Variants in TCF7L1 observed in about 807,000 individuals in gnomAD.
TCF7L1 encodes the protein transcription factor 7 like 1.
In TCF7L1, 18 loss-of-function variants were observed where a neutral mutation model predicts 63.7. The observed-to-expected ratio is 0.28, with a 90% CI of 0.20 to 0.42. TCF7L1 has a LOEUF of 0.42. Among genes scored for constraint, TCF7L1 ranks in the 10% least tolerant of loss-of-function variants. TCF7L1 has a pLI of 1.00. For missense variants in TCF7L1, 654 were observed against 779.3 expected (o/e 0.84, Z 1.91); for synonymous variants, 355 against 340.9 (o/e 1.04, Z -0.46).
chr2:85,244,306 T>A (rs1478299666), intron 3 of TCF7L1, among the ~76,000 whole-genome samples: 1 of 152,170 alleles, frequency 6.6e-6, no homozygotes, highest in East Asian at 1.9e-4. Flanking sequence ...AAAGGTGACG[T>A]GATCCAACCT....
chr2:85,268,171 A>T (rs1334034269), intron 3 of TCF7L1, among the ~76,000 whole-genome samples: 1 of 152,234 alleles, frequency 6.6e-6, no homozygotes, highest in Non-Finnish European at 1.5e-5. Context: ...CCCCAGTGGC[A>T]GCGGACTTTC....
chr2:85,232,395 T>A (rs887707736), intron 3 of TCF7L1, among the ~76,000 whole-genome samples: 4 of 152,168 alleles, frequency 2.6e-5, no homozygotes, highest in African/African-American at 9.7e-5. Context: ...ATTCATTATC[T>A]AACAAATACT....
rs754776779 is a variant in TCF7L1, at chr2:85,306,406, C to A, written c.1149+41C>A. ...TCCCTCCAGGCCAGGGAGGCAGCGT[C>A]CCTGCATTGATGGCTCCGTGTGGTC... On this transcript the variant is annotated intron_variant, in intron 9 of 11. Transcript: ENST00000282111. The surrounding 1 kb of genome is among the most constrained non-coding windows in gnomAD (Gnocchi z 4.3). The A allele has an allele frequency of 1.4e-5, 22 of 1,613,610 alleles. No individual in the cohort carries two copies. In the South Asian group the frequency reaches 2.4e-4, roughly 18 times the overall value.
intron 7 of TCF7L1, among the ~76,000 whole-genome samples, chr2:85,304,822 C>T (rs1682069575): frequency 6.6e-6 from 1 of 152,182 alleles, no homozygotes; most frequent in African/African-American, 2.4e-5. Context: ...GTATATCACA[C>T]TGAAGCTAGG....
At chr2:85,147,041 G>A (rs1558615936) in intron 3 of TCF7L1, among the ~76,000 whole-genome samples, 2 of 152,086 alleles carry the variant, frequency 1.3e-5, no homozygotes, top group Non-Finnish European at 2.9e-5. Flanking sequence ...AATATCATAG[G>A]TGAGATGTTA....
intron 4 of TCF7L1, among the ~76,000 whole-genome samples, chr2:85,286,379 A>G (rs576001946): frequency 0.011 from 1,644 of 151,990 alleles, 36 homozygotes; most frequent in African/African-American, 0.038. Context: ...AACAAAAAAA[A>G]AAACTAACAT....
intron 3 of TCF7L1, among the ~76,000 whole-genome samples, chr2:85,191,825 C>CAAAAAAAAAAAA (rs758489919): frequency 1.1e-5 from 1 of 91,352 alleles, no homozygotes. Flanking sequence ...AACTCCATCT[C>CAAAAAAAAAAAA]AAAAAAAAAA....
chr2:85,154,872 G>A (rs376812948), intron 3 of TCF7L1, among the ~76,000 whole-genome samples: 154 of 152,014 alleles, frequency 1.0e-3, no homozygotes, highest in African/African-American at 3.6e-3. Flanking sequence ...GCCAGAGTGC[G>A]GTAGCACAAT....
intron 3 of TCF7L1, among the ~76,000 whole-genome samples, chr2:85,234,563 A>G (rs531728148): frequency 6.6e-6 from 1 of 152,324 alleles, no homozygotes; most frequent in South Asian, 2.1e-4. Context: ...ATTCCCAAAC[A>G]TATGCCAAAG....
At chr2:85,256,759 G>A (rs917765994) in intron 3 of TCF7L1, among the ~76,000 whole-genome samples, 1 of 152,076 alleles carries the variant, frequency 6.6e-6, no homozygotes, top group Non-Finnish European at 1.5e-5. Flanking sequence ...GAGGTGGGTG[G>A]ATCACCTGAG....
At chr2:85,256,766 T>G (rs1366704512) in intron 3 of TCF7L1, among the ~76,000 whole-genome samples, 1 of 152,136 alleles carries the variant, frequency 6.6e-6, no homozygotes, top group Non-Finnish European at 1.5e-5. Flanking sequence ...GTGGATCACC[T>G]GAGGTGTCAG....
intron 3 of TCF7L1, among the ~76,000 whole-genome samples, chr2:85,222,371 A>G (rs1186768642): frequency 1.3e-5 from 2 of 150,732 alleles, no homozygotes; most frequent in Middle Eastern, 3.5e-3. Flanking sequence ...AAACAAAAAA[A>G]AAAACACTAA....
intron 3 of TCF7L1, among the ~76,000 whole-genome samples, chr2:85,138,116 G>T (rs1021983537): frequency 1.1e-4 from 16 of 152,118 alleles, no homozygotes; most frequent in African/African-American, 3.1e-4. Flanking sequence ...GGAGTCTGTG[G>T]TTTTTGTGTC....
intron 3 of TCF7L1, among the ~76,000 whole-genome samples, chr2:85,192,951 A>G (rs530195269): frequency 3.5e-4 from 53 of 152,246 alleles, no homozygotes; most frequent in African/African-American, 1.3e-3. Flanking sequence ...AGCCTCATAA[A>G]GCACCAGGAT....
chr2:85,264,211 T>C (rs1013251322), intron 3 of TCF7L1, among the ~76,000 whole-genome samples: 1 of 152,190 alleles, frequency 6.6e-6, no homozygotes, highest in African/African-American at 2.4e-5. Flanking sequence ...CAATGACCCA[T>C]TTGAACCATG....
chr2:85,258,325 A>T (rs959599781), intron 3 of TCF7L1, among the ~76,000 whole-genome samples: 8 of 152,098 alleles, frequency 5.3e-5, no homozygotes, highest in African/African-American at 1.9e-4. Flanking sequence ...GGAGCTGAGG[A>T]TCCAAAGAAT....
chr2:85,221,619 C>A (rs1173139536), intron 3 of TCF7L1, among the ~76,000 whole-genome samples: 3 of 152,150 alleles, frequency 2.0e-5, no homozygotes, highest in Non-Finnish European at 4.4e-5. Flanking sequence ...CAAACTCATA[C>A]TTTAATCAGG....
chr2:85,228,887 G>C (rs1386139024), intron 3 of TCF7L1, among the ~76,000 whole-genome samples: 2 of 151,572 alleles, frequency 1.3e-5, no homozygotes, highest in Non-Finnish European at 2.9e-5. Flanking sequence ...CGGGGAGGGT[G>C]GTGGGCGCCT....
At chr2:85,159,477 G>A (rs924377680) in intron 3 of TCF7L1, among the ~76,000 whole-genome samples, 2 of 152,206 alleles carry the variant, frequency 1.3e-5, no homozygotes, top group African/African-American at 4.8e-5. Flanking sequence ...CATGCCCAGT[G>A]AAACCTTCTG....
Sources: allele counts gnomAD v4.1 joint callset (sites outside exome capture counted in the v4.1 genomes callset), GRCh38; gene constraint gnomAD v4.1.1; non-coding constraint Gnocchi (gnomAD v3.1); transcripts MANE v1.5; gene names NCBI Gene and HGNC (gene_info 2026-07-23, HGNC 2026-07-21).